The following IQSEC1 variants were observed in gnomAD, a reference collection of about 807,000 sequenced individuals.
The protein encoded by IQSEC1 is IQ motif and SEC7 domain-containing protein 1.
In IQSEC1, 31 loss-of-function variants were observed where a neutral mutation model predicts 91.0. That is an observed-to-expected ratio of 0.34 (90% CI 0.26 to 0.46). The LOEUF (loss-of-function observed/expected upper bound fraction) is 0.46. Among genes scored for constraint, IQSEC1 ranks in the 20% least tolerant of loss-of-function variants. The pLI, the probability that IQSEC1 is intolerant of heterozygous loss-of-function variation, is 1.00. For synonymous variants in IQSEC1, 699 were observed against 662.6 expected (o/e 1.05, Z -0.84); for missense variants, 1,388 against 1,575.6 (o/e 0.88, Z 2.02).
chr3:13,061,521 G>A (rs1174463343), intron 1 of IQSEC1, among the ~76,000 whole-genome samples: 1 of 152,132 alleles, frequency 6.6e-6, no homozygotes, highest in Non-Finnish European at 1.5e-5. Flanking sequence ...GGGGTCCCAG[G>A]ACTTACCTAG....
intron 1 of IQSEC1, among the ~76,000 whole-genome samples, chr3:13,237,589 C>T (rs1241079288): frequency 6.6e-6 from 1 of 152,208 alleles, no homozygotes; most frequent in African/African-American, 2.4e-5. Context: ...CACTTCCCCG[C>T]CATGTTTTCT....
Position 12,924,039 on chromosome 3 carries a change from T to C in IQSEC1, c.1730+542A>G, listed in dbSNP as rs930855656. Among the ~76,000 whole-genome samples the C allele has an allele frequency of 1.3e-5, 2 of 152,076 alleles. No individual in the cohort carries two copies. Among genetic ancestry groups the C allele is most frequent in the East Asian group, 1.9e-4 (1 of 5,170 alleles). On this transcript the variant is annotated intron_variant, in intron 4 of 13. Coordinates refer to ENST00000613206, the MANE Select transcript of IQSEC1 (RefSeq NM_001134382.3). This position sits in a 1 kb window ranked among gnomAD's most constrained non-coding sequence, Gnocchi z 6.3. The stretch of plus-strand genomic sequence containing the variant: ...AGCCCCAATATCCCAGCCGGGAGAA[T>C]GAGGCAGGGGCAGAGCGTGGCACGG...
At position 13,103,233 on chromosome 3, in the gene IQSEC1, C is replaced by T. The variant is rs1191438634; in HGVS notation, c.303-55711G>A. On this transcript the variant is annotated intron_variant, in intron 2 of 15. Transcript: ENST00000648114. The surrounding 1 kb of genome is among the most constrained non-coding windows in gnomAD (Gnocchi z 4.1). The stretch of plus-strand genomic sequence containing the variant: ...TCCCTAAGCCAGAGCTGTCTGCTTG[C>T]TCAGATATCATCAGCTTCCCATTAA... Among the ~76,000 whole-genome samples, 1 of 152,136 alleles carries T rather than the reference C, an allele frequency of 6.6e-6. No homozygotes were observed. The highest frequency in any genetic ancestry group is 2.4e-5 in the African/African-American group (1 of 41,454).
At chr3:12,904,971 A>G (rs1694815432) in intron 12 of IQSEC1, among the ~76,000 whole-genome samples, 1 of 152,122 alleles carries the variant, frequency 6.6e-6, no homozygotes, top group Admixed American at 6.5e-5. Flanking sequence ...GTGTCTTACA[A>G]TCTACTTTCT....
chr3:13,052,610 G>GA (rs2125067067), intron 1 of IQSEC1, among the ~76,000 whole-genome samples: 1 of 152,314 alleles, frequency 6.6e-6, no homozygotes, highest in East Asian at 1.9e-4. Context: ...AGTTTTAAAA[G>GA]AAACTGCCAA....
intron 2 of IQSEC1, among the ~76,000 whole-genome samples, chr3:13,128,140 A>T (rs1706549011): frequency 1.3e-5 from 2 of 152,062 alleles, no homozygotes. Flanking sequence ...TTCCTTTCCA[A>T]TCTGTATGAC....
chr3:13,054,176 C>G (rs1368699027), intron 1 of IQSEC1, among the ~76,000 whole-genome samples: 1 of 152,190 alleles, frequency 6.6e-6, no homozygotes, highest in Non-Finnish European at 1.5e-5. Flanking sequence ...AAGGCAGTGG[C>G]TTCAATAGGG....
Position 12,898,580 on chromosome 3 carries a change from C to T in IQSEC1, c.*2403G>A, listed in dbSNP as rs909263742. 2 of 152,174 alleles carry T rather than the reference C, an allele frequency of 1.3e-5. No individual in the cohort carries two copies. The highest frequency in any genetic ancestry group is 1.3e-4 in the Admixed American group (2 of 15,280). 9.4% of individuals were successfully genotyped at this position (152,174 alleles called of 1,614,324 possible). On this transcript the variant is annotated 3_prime_UTR_variant, in exon 14 of 14. Transcript: ENST00000613206. ...CCCTCCTGGGGTTTTCTGTCTGTTCCTATTCATTACTGCTACCCTTCAGAA... is the reference window on the plus strand; with the variant it reads ...CCCTCCTGGGGTTTTCTGTCTGTTCTTATTCATTACTGCTACCCTTCAGAA...
chr3:13,112,463 G>A (rs185156897), intron 2 of IQSEC1, among the ~76,000 whole-genome samples: 446 of 152,368 alleles, frequency 2.9e-3, no homozygotes, highest in Non-Finnish European at 4.0e-3. Context: ...CTCAGTGAGA[G>A]GGACTGACAA....
At position 13,008,847 on chromosome 3, in the gene IQSEC1, C is replaced by T. The variant is rs1702750700; in HGVS notation, c.23+64145G>A. 6.6e-6 allele frequency among the ~76,000 whole-genome samples: 1 copy of T among 152,224 alleles called. No individual in the cohort carries two copies. Among genetic ancestry groups the T allele is most frequent in the South Asian group, 2.1e-4 (1 of 4,832 alleles). On this transcript the variant is annotated intron_variant, in intron 1 of 13. Coordinates refer to ENST00000613206, the MANE Select transcript of IQSEC1 (RefSeq NM_001134382.3). This position sits in a 1 kb window ranked among gnomAD's most constrained non-coding sequence, Gnocchi z 4.1. ...GCTAACCCAGTGGGAACCAGACACGCTGGCAAACCCCATCCCACGGGCTAG... is the reference window on the plus strand; with the variant it reads ...GCTAACCCAGTGGGAACCAGACACGTTGGCAAACCCCATCCCACGGGCTAG...
At position 12,899,906 on chromosome 3, in the gene IQSEC1, G is replaced by C; in HGVS notation, c.*1077C>G. 2.0e-6 allele frequency: 2 copies of C among 985,258 alleles called. No individual in the cohort carries two copies. Among genetic ancestry groups the C allele is most frequent in the Non-Finnish European group, 2.4e-6 (2 of 829,894 alleles). The allele number at this position is 985,258 out of a possible 1,614,324, so 61.0% of individuals were successfully genotyped here. A position where few individuals can be genotyped will look rare whatever the true frequency, so the allele number is the denominator to read the frequency against. On this transcript the variant is annotated 3_prime_UTR_variant, in exon 14 of 14. Coordinates refer to ENST00000613206, the MANE Select transcript of IQSEC1 (RefSeq NM_001134382.3). ...TGTTGGAGATGAACACTTCTGCCGT[G>C]TATGGGTGCCCCTCTCGGAGGACTC...
At chr3:12,948,632 A>C (rs558911735) in intron 1 of IQSEC1, among the ~76,000 whole-genome samples, 16 of 152,348 alleles carry the variant, frequency 1.1e-4, no homozygotes, top group African/African-American at 3.8e-4. Flanking sequence ...CTCAAGAAAA[A>C]TGTTAGCCAG....
chr3:13,114,637 C>T (rs759844868), intron 2 of IQSEC1, among the ~76,000 whole-genome samples: 14 of 151,672 alleles, frequency 9.2e-5, no homozygotes, highest in Admixed American at 5.3e-4. Flanking sequence ...ACTAAAAATA[C>T]AAAAAATTAG....
At chr3:12,934,777 A>G (rs535189043) in intron 3 of IQSEC1, among the ~76,000 whole-genome samples, 2 of 152,198 alleles carry the variant, frequency 1.3e-5, no homozygotes, top group East Asian at 3.9e-4. Flanking sequence ...ATCTGCTCTC[A>G]GGATGGTCAA....
At chr3:13,262,004 A>G (rs535249930) in intron 1 of IQSEC1, among the ~76,000 whole-genome samples, 1 of 152,344 alleles carries the variant, frequency 6.6e-6, no homozygotes, top group South Asian at 2.1e-4. Flanking sequence ...TAAGAGCGTG[A>G]AGCCATTTTT....
chr3:13,067,944 G>C (rs2125104434), intron 1 of IQSEC1, among the ~76,000 whole-genome samples: 1 of 152,354 alleles, frequency 6.6e-6, no homozygotes, highest in African/African-American at 2.4e-5. Flanking sequence ...CTTCAACAAA[G>C]GGCCTCCAGG....
At chr3:13,257,880 T>C (rs912483359) in intron 1 of IQSEC1, among the ~76,000 whole-genome samples, 14 of 152,270 alleles carry the variant, frequency 9.2e-5, no homozygotes, top group African/African-American at 3.1e-4. Flanking sequence ...TGGGTGTTTA[T>C]AGCAGCTTCA....
intron 2 of IQSEC1, among the ~76,000 whole-genome samples, chr3:13,152,528 T>C (rs1357528786): frequency 1.3e-5 from 2 of 152,226 alleles, no homozygotes; most frequent in Non-Finnish European, 2.9e-5. Context: ...TCTATCTCAG[T>C]AAAAAGCACT....
intron 1 of IQSEC1, among the ~76,000 whole-genome samples, chr3:13,274,680 G>A (rs1272543560): frequency 4.6e-5 from 7 of 152,236 alleles, no homozygotes; most frequent in African/African-American, 7.2e-5. Flanking sequence ...TCATCTCAGC[G>A]GAGTGGGGAG....
Sources: allele counts gnomAD v4.1 joint callset (sites outside exome capture counted in the v4.1 genomes callset), GRCh38; gene constraint gnomAD v4.1.1; non-coding constraint Gnocchi (gnomAD v3.1); transcripts MANE v1.5; gene names NCBI Gene and HGNC (gene_info 2026-07-23, HGNC 2026-07-21).